Variants in GRIK3 observed in about 807,000 individuals in gnomAD.
GRIK3 encodes the protein glutamate receptor ionotropic, kainate 3.
A neutral mutation model predicts 102.5 loss-of-function variants in GRIK3; 29 were observed. The ratio of observed to expected loss-of-function variants is 0.28; its 90% CI spans 0.21 to 0.39. The LOEUF (loss-of-function observed/expected upper bound fraction) is 0.39. Ranked by LOEUF, GRIK3 falls within the 10% of genes least tolerant of loss-of-function variation. The probability of loss-of-function intolerance (pLI) is 1.00; values close to 1 mark genes in which losing one functional copy is unlikely to be tolerated. For synonymous variants in GRIK3, 511 were observed against 504.9 expected, an observed-to-expected ratio of 1.01 and a Z score of -0.16; for missense variants, 908 against 1,252.4, an observed-to-expected ratio of 0.73 and a Z score of 4.15.
intron 1 of GRIK3, among the ~76,000 whole-genome samples, chr1:36,952,382 A>G (rs1463539751): frequency 6.6e-6 from 1 of 152,214 alleles, no homozygotes; most frequent in East Asian, 1.9e-4. Flanking sequence ...GCCTCTGCAC[A>G]GAGCAGGTGC....
chr1:36,915,337 G>T (rs1248180141), intron 1 of GRIK3, among the ~76,000 whole-genome samples: 1 of 152,198 alleles, frequency 6.6e-6, no homozygotes, highest in Non-Finnish European at 1.5e-5. Flanking sequence ...GATCTTATCA[G>T]CTTGTTCATC....
At chr1:36,949,601 T>C (rs952331251) in intron 1 of GRIK3, among the ~76,000 whole-genome samples, 3 of 139,778 alleles carry the variant, frequency 2.1e-5, no homozygotes, top group African/African-American at 8.0e-5. Context: ...TTTTTTTGAG[T>C]CTCGCTCTGT....
intron 1 of GRIK3, among the ~76,000 whole-genome samples, chr1:36,947,225 C>T (rs1020240695): frequency 6.6e-6 from 1 of 152,068 alleles, no homozygotes; most frequent in Non-Finnish European, 1.5e-5. Context: ...CCTCACATGC[C>T]TTTGTTTCAT....
intron 1 of GRIK3, among the ~76,000 whole-genome samples, chr1:36,921,615 AC>A (rs1641474450): frequency 4.5e-5 from 2 of 44,162 alleles, no homozygotes; most frequent in Non-Finnish European, 7.3e-5. Context: ...TTCAAATCAC[AC>A]TTTTTTTTTT....
At chr1:37,001,414 T>C (rs755992517) in intron 1 of GRIK3, among the ~76,000 whole-genome samples, 3 of 152,210 alleles carry the variant, frequency 2.0e-5, no homozygotes, top group Non-Finnish European at 4.4e-5. Flanking sequence ...TCCAGGATGT[T>C]CTGCAGCCAA....
At chr1:36,830,313 T>C (rs2124202703) in intron 10 of GRIK3, among the ~76,000 whole-genome samples, 1 of 152,086 alleles carries the variant, frequency 6.6e-6, no homozygotes, top group Admixed American at 6.5e-5. Flanking sequence ...AAGCCCAACA[T>C]TTTACCACTC....
chr1:36,804,744 G>A, intron 15 of GRIK3: 1 of 560,082 alleles, frequency 1.8e-6, no homozygotes, highest in Non-Finnish European at 3.1e-6. Context: ...GGGCCAGTTT[G>A]AAGGCTGCGG....
At chr1:36,964,070 A>G (rs7540002) in intron 1 of GRIK3, among the ~76,000 whole-genome samples, 16,814 of 152,306 alleles carry the variant, frequency 0.11, 1,151 homozygotes, top group African/African-American at 0.2. Context: ...AAATGCATGC[A>G]GAGGCAGGAG....
Position 37,012,325 on chromosome 1 carries a change from T to C in GRIK3, c.115+21669A>G, listed in dbSNP as rs549036948. On this transcript the variant is annotated intron_variant, in intron 1 of 15. Coordinates refer to ENST00000373091, the MANE Select transcript of GRIK3 (RefSeq NM_000831.4). ...GGCCAGGCAGGATCACTGTATTTTA[T>C]GGCCTTCTGGGAACTGGGCCCTGGC... 3.7e-3 allele frequency among the ~76,000 whole-genome samples: 558 copies of C among 152,352 alleles called. 3 individuals are homozygous for C. Among genetic ancestry groups the C allele is most frequent in the African/African-American group, 0.013 (522 of 41,586 alleles).
intron 1 of GRIK3, among the ~76,000 whole-genome samples, chr1:36,954,036 C>A (rs1641875347): frequency 6.6e-6 from 1 of 152,172 alleles, no homozygotes; most frequent in Non-Finnish European, 1.5e-5. Flanking sequence ...TGATGGGAAA[C>A]CGTTAGTCCT....
intron 1 of GRIK3, among the ~76,000 whole-genome samples, chr1:37,019,305 T>C (rs2124073078): frequency 6.6e-6 from 1 of 152,200 alleles, no homozygotes; most frequent in East Asian, 1.9e-4. Flanking sequence ...ACAACGTAAG[T>C]GATAAACTGA....
chr1:36,943,097 A>G (rs1641745274), intron 1 of GRIK3, among the ~76,000 whole-genome samples: 1 of 152,162 alleles, frequency 6.6e-6, no homozygotes, highest in South Asian at 2.1e-4. Context: ...TTTTAGAGCT[A>G]AGGACACTGA....
At chr1:36,973,478 G>A (rs1402829871) in intron 1 of GRIK3, among the ~76,000 whole-genome samples, 1 of 145,612 alleles carries the variant, frequency 6.9e-6, no homozygotes, top group African/African-American at 2.6e-5. Flanking sequence ...GGAGTGCAGT[G>A]GCACAATCTT....
At position 36,801,260 on chromosome 1, in the gene GRIK3, C is replaced by G. The variant is rs1642436964; in HGVS notation, c.*591G>C. 1 of 152,438 alleles carries G rather than the reference C, an allele frequency of 6.6e-6. No individual in the cohort carries two copies. Among genetic ancestry groups the G allele is most frequent in the South Asian group, 2.1e-4 (1 of 4,838 alleles). 9.4% of individuals were successfully genotyped at this position (152,438 alleles called of 1,614,324 possible). A position where few individuals can be genotyped will look rare whatever the true frequency, so the allele number is the denominator to read the frequency against. On this transcript the variant is annotated 3_prime_UTR_variant, in exon 16 of 16. Transcript: ENST00000373091. ...CCCCTGTGTAGCTCTGTCTTCAACT[C>G]TGCCAGAACAGGGGCTGCCAGGGGC...
chr1:37,027,416 C>T (rs1382544305), intron 1 of GRIK3, among the ~76,000 whole-genome samples: 1 of 152,064 alleles, frequency 6.6e-6, no homozygotes, highest in Non-Finnish European at 1.5e-5. Flanking sequence ...AAAGCATACT[C>T]CAGAAGCAAA....
intron 8 of GRIK3, among the ~76,000 whole-genome samples, chr1:36,853,260 T>G (rs1570760843): frequency 6.6e-6 from 1 of 152,236 alleles, no homozygotes; most frequent in East Asian, 1.9e-4. Context: ...CAAGAACATG[T>G]CTGTCCTTCT....
chr1:36,857,908 C>G (rs1445807583), intron 7 of GRIK3, among the ~76,000 whole-genome samples: 1 of 152,208 alleles, frequency 6.6e-6, no homozygotes, highest in East Asian at 1.9e-4. Context: ...ACAGGCGAGT[C>G]TGTTTTAGCT....
intron 4 of GRIK3, among the ~76,000 whole-genome samples, chr1:36,870,383 A>G (rs1353132122): frequency 6.6e-6 from 1 of 152,270 alleles, no homozygotes; most frequent in Non-Finnish European, 1.5e-5. Context: ...GTCTGCCATC[A>G]TGAAGTCTGC....
At chr1:36,884,223 C>A (rs552806712) in intron 2 of GRIK3, among the ~76,000 whole-genome samples, 1 of 152,326 alleles carries the variant, frequency 6.6e-6, no homozygotes, top group South Asian at 2.1e-4. Context: ...CTCTTGTCAC[C>A]TTTGAGTCAA....
Sources: allele counts gnomAD v4.1 joint callset (sites outside exome capture counted in the v4.1 genomes callset), GRCh38; gene constraint gnomAD v4.1.1; transcripts MANE v1.5; gene names NCBI Gene and HGNC (gene_info 2026-07-23, HGNC 2026-07-21).